Variants in PPFIA1 observed in about 807,000 individuals in gnomAD.
PPFIA1 encodes the protein PPFI scaffold protein A1, also known as liprin-alpha-1.
PPFIA1 carries 25 observed loss-of-function variants against 149.9 expected under a neutral mutation model. The ratio of observed to expected loss-of-function variants is 0.17; its 90% CI spans 0.12 to 0.23. The LOEUF is 0.23. Ranked by LOEUF, PPFIA1 falls within the 10% of genes least tolerant of loss-of-function variation. PPFIA1 has a pLI of 1.00. For missense variants in PPFIA1, 1,362 were observed against 1,506.5 expected, an observed-to-expected ratio of 0.90 and a Z score of 1.59; for synonymous variants, 549 against 552.8, an observed-to-expected ratio of 0.99 and a Z score of 0.10.
intron 26 of PPFIA1, among the ~76,000 whole-genome samples, chr11:70,379,811 G>A (rs1328249087): frequency 3.3e-5 from 5 of 152,110 alleles, no homozygotes; most frequent in Admixed American, 2.6e-4. Flanking sequence ...GGCATTTTTA[G>A]TAAAAAGCTG....
At chr11:70,300,683 G>A (rs2052429606) in intron 2 of PPFIA1, among the ~76,000 whole-genome samples, 2 of 152,008 alleles carry the variant, frequency 1.3e-5, no homozygotes, top group Non-Finnish European at 2.9e-5. Context: ...ACAGGCGCCC[G>A]CCACCACGCC....
At position 70,272,251 on chromosome 11, in the gene PPFIA1, C is replaced by G. The variant is rs376508528; in HGVS notation, c.79C>G (p.Pro27Ala). 4.2e-5 allele frequency: 67 copies of G among 1,614,160 alleles called. No homozygotes were observed. Among genetic ancestry groups the G allele is most frequent in the Non-Finnish European group, 5.6e-5 (66 of 1,180,022 alleles). ...GGGGGHGSGS[P>A]SQPDADSHFE... ...AGGTGGAGGCCATGGTTCCGGCTCCCCTTCACAGCCAGATGCAGATTCACA... is the reference window on the plus strand; with the variant it reads ...AGGTGGAGGCCATGGTTCCGGCTCCGCTTCACAGCCAGATGCAGATTCACA... Residue 27 changes from proline (P) to alanine (A), a missense_variant, in exon 2 of 28, where the codon CCT becomes GCT. Physicochemically the swap from Pro to Ala is conservative, Grantham distance 27. Coordinates refer to ENST00000253925, the MANE Select transcript of PPFIA1 (RefSeq NM_003626.5).
chr11:70,288,287 G>A (rs1470133047), intron 2 of PPFIA1, among the ~76,000 whole-genome samples: 1 of 151,890 alleles, frequency 6.6e-6, no homozygotes, highest in Admixed American at 6.6e-5. Context: ...GGCCAGTCTG[G>A]TCTTGAACTC....
chr11:70,321,542 A>G (rs934042665), intron 2 of PPFIA1: 5 of 152,250 alleles, frequency 3.3e-5, no homozygotes, highest in African/African-American at 1.2e-4. Flanking sequence ...AAGATGCTTA[A>G]AAAGATAAAT....
intron 26 of PPFIA1, among the ~76,000 whole-genome samples, chr11:70,381,637 G>A (rs776938157): frequency 3.9e-5 from 6 of 152,178 alleles, no homozygotes; most frequent in Non-Finnish European, 7.3e-5. Flanking sequence ...ACCCGACGTC[G>A]TTGGCCTCTG....
intron 2 of PPFIA1, among the ~76,000 whole-genome samples, chr11:70,322,873 C>T (rs1038490857): frequency 1.3e-5 from 2 of 152,176 alleles, no homozygotes; most frequent in African/African-American, 2.4e-5. Flanking sequence ...CCCAGCCAGG[C>T]GCAGCTTTGG....
Position 70,375,106 on chromosome 11 carries a change from C to T in PPFIA1, c.3315+13C>T. 1 of 1,583,198 alleles carries T rather than the reference C, an allele frequency of 6.3e-7. No individual in the cohort carries two copies. Among genetic ancestry groups the T allele is most frequent in the Non-Finnish European group, 8.6e-7 (1 of 1,166,516 alleles). On this transcript the variant is annotated intron_variant, in intron 24 of 27. Coordinates refer to ENST00000253925, the MANE Select transcript of PPFIA1 (RefSeq NM_003626.5). ...GCAGAACACACAGGTGACGCCAAACCTGTCTGTGTCTGCACTCATTGTTCA... is the reference window on the plus strand; with the variant it reads ...GCAGAACACACAGGTGACGCCAAACTTGTCTGTGTCTGCACTCATTGTTCA...
At chr11:70,381,739 C>T (rs901977486) in intron 26 of PPFIA1, among the ~76,000 whole-genome samples, 4 of 152,134 alleles carry the variant, frequency 2.6e-5, no homozygotes, top group African/African-American at 9.7e-5. Flanking sequence ...GGGAGAAAGC[C>T]CCATTGGTCT....
intron 21 of PPFIA1, chr11:70,365,661 A>C: frequency 2.8e-6 from 1 of 353,878 alleles, no homozygotes; most frequent in Admixed American, 3.8e-5. Context: ...GAATAGCTTT[A>C]ATCTAGCTCT....
intron 2 of PPFIA1, among the ~76,000 whole-genome samples, chr11:70,291,837 ATTT>A (rs398016576): frequency 2.5e-5 from 3 of 119,638 alleles, no homozygotes; most frequent in Admixed American, 9.2e-5. Flanking sequence ...CGCCTGGCTA[ATTT>A]TTTTTTTTTT....
At chr11:70,355,391 A>G (rs2056304463) in intron 17 of PPFIA1, among the ~76,000 whole-genome samples, 1 of 152,074 alleles carries the variant, frequency 6.6e-6, no homozygotes, top group South Asian at 2.1e-4. Context: ...GGGCTTTGGC[A>G]CCTGATGGCG....
intron 2 of PPFIA1, among the ~76,000 whole-genome samples, chr11:70,292,828 A>T (rs1011057920): frequency 6.6e-6 from 1 of 152,212 alleles, no homozygotes; most frequent in African/African-American, 2.4e-5. Context: ...GAGTTCTTCA[A>T]CTGCATGAAA....
chr11:70,351,643 A>G lies in PPFIA1; in HGVS notation c.2164-2658A>G, dbSNP rs192665321. Among the ~76,000 whole-genome samples, 382 of 152,310 alleles carry G rather than the reference A, an allele frequency of 2.5e-3. 1 individual carries two copies. The highest frequency in any genetic ancestry group is 8.6e-3 in the African/African-American group (357 of 41,576). On this transcript the variant is annotated intron_variant, in intron 16 of 27. Transcript: ENST00000253925. Reference sequence around the variant, plus strand: ...TAGATTTTGGAGCATTTTGAATATCAGATTTTTGGGTTTGGGATGCTCAAC... The same window carrying G: ...TAGATTTTGGAGCATTTTGAATATCGGATTTTTGGGTTTGGGATGCTCAAC...
chr11:70,284,617 A>G (rs1438949297), intron 2 of PPFIA1, among the ~76,000 whole-genome samples: 1 of 152,148 alleles, frequency 6.6e-6, no homozygotes, highest in Non-Finnish European at 1.5e-5. Context: ...ATCTCGACTG[A>G]GTGGGGTGGG....
At chr11:70,379,585 T>C (rs1015981051) in intron 26 of PPFIA1, among the ~76,000 whole-genome samples, 1 of 151,612 alleles carries the variant, frequency 6.6e-6, no homozygotes, top group African/African-American at 2.4e-5. Flanking sequence ...GAGACTAGCC[T>C]GGGCAACACA....
At chr11:70,293,213 C>G (rs1366269775) in intron 2 of PPFIA1, among the ~76,000 whole-genome samples, 3 of 152,242 alleles carry the variant, frequency 2.0e-5, no homozygotes, top group Non-Finnish European at 4.4e-5. Context: ...AATTCTGTTC[C>G]TAGCTCTTCC....
In PPFIA1 at chr11:70,284,843, A is replaced by G. The variant is rs551209685; in HGVS notation, c.264+12407A>G. Among the ~76,000 whole-genome samples the G allele has an allele frequency of 3.3e-5, 5 of 152,196 alleles. No homozygotes were observed. The South Asian group carries it at 8.3e-4, about 25-fold the overall frequency. ...GCCTGGAGGGAAGGGAAGAGTGAAC[A>G]TGGTAAGGTTGGCTAGGTAGGTTGG... On this transcript the variant is annotated intron_variant, in intron 2 of 27. Coordinates refer to ENST00000253925, the MANE Select transcript of PPFIA1 (RefSeq NM_003626.5).
At chr11:70,279,666 A>G (rs117851566) in intron 2 of PPFIA1, among the ~76,000 whole-genome samples, 630 of 146,732 alleles carry the variant, frequency 4.3e-3, no homozygotes, top group Middle Eastern at 0.011. Context: ...ATCATGTCCT[A>G]TGTGTCTCTT....
chr11:70,312,669 C>A (rs765724175), intron 2 of PPFIA1, among the ~76,000 whole-genome samples: 2 of 152,190 alleles, frequency 1.3e-5, no homozygotes, highest in Non-Finnish European at 2.9e-5. Flanking sequence ...GCGTGTTTTG[C>A]TAACTCGAGA....
Sources: gnomAD v4.1 joint callset for allele counts (sites outside exome capture counted in the v4.1 genomes callset) on GRCh38, gnomAD v4.1.1 for gene constraint, MANE v1.5 for transcripts, NCBI Gene and HGNC (gene_info 2026-07-23, HGNC 2026-07-21) for gene names.